Variants in SRBD1 observed in about 807,000 individuals in gnomAD.
The protein encoded by SRBD1 is S1 RNA-binding domain-containing protein 1.
SRBD1 carries 88 observed loss-of-function variants against 115.3 expected under a neutral mutation model. The observed-to-expected ratio is 0.76, with a 90% CI of 0.64 to 0.91. SRBD1 has a LOEUF of 0.91. SRBD1 is among the 40% of genes least tolerant of loss of function. The probability of loss-of-function intolerance (pLI) is 0.00; values close to 1 mark genes in which losing one functional copy is unlikely to be tolerated. For missense variants in SRBD1, 1,385 were observed against 1,177.4 expected, an observed-to-expected ratio of 1.18 and a Z score of -2.58; for synonymous variants, 509 against 407.7, an observed-to-expected ratio of 1.25 and a Z score of -2.99.
At chr2:45,445,798 T>G (rs1668806787) in intron 16 of SRBD1, among the ~76,000 whole-genome samples, 1 of 152,162 alleles carries the variant, frequency 6.6e-6, no homozygotes. Flanking sequence ...ACATTAAATT[T>G]AAAGGCTCAA....
At chr2:45,485,747 G>T (rs1670098474) in intron 15 of SRBD1, among the ~76,000 whole-genome samples, 1 of 152,030 alleles carries the variant, frequency 6.6e-6, no homozygotes, top group African/African-American at 2.4e-5. Context: ...GGACTTAAAG[G>T]TAAAAAATCC....
chr2:45,442,616 TCCTTAAA>T (rs1668703789), intron 16 of SRBD1, among the ~76,000 whole-genome samples: 1 of 152,216 alleles, frequency 6.6e-6, no homozygotes. Flanking sequence ...CAAATGTTGG[TCCTTAAA>T]GAAACAGCTA....
chr2:45,587,920 T>C (rs1673598177), intron 4 of SRBD1, among the ~76,000 whole-genome samples: 1 of 152,234 alleles, frequency 6.6e-6, no homozygotes, highest in Non-Finnish European at 1.5e-5. Context: ...ACCCATATTA[T>C]GCTATTCAAA....
intron 1 of SRBD1, among the ~76,000 whole-genome samples, chr2:45,607,395 C>T (rs1674307431): frequency 6.6e-6 from 1 of 151,968 alleles, no homozygotes; most frequent in South Asian, 2.1e-4. Flanking sequence ...AAATTTATTC[C>T]CCAATAACTA....
At chr2:45,425,911 AAC>A (rs935777201) in intron 16 of SRBD1, among the ~76,000 whole-genome samples, 4 of 152,024 alleles carry the variant, frequency 2.6e-5, no homozygotes, top group Admixed American at 1.3e-4. Context: ...TCAAGCACAA[AAC>A]TGGGCGGCCA....
chr2:45,409,209 G>A (rs1667523797), intron 19 of SRBD1, among the ~76,000 whole-genome samples: 1 of 152,026 alleles, frequency 6.6e-6, no homozygotes, highest in East Asian at 1.9e-4. Context: ...GTGACAAAGT[G>A]AGACCCTGTC....
chr2:45,437,128 A>C (rs964831421), intron 16 of SRBD1, among the ~76,000 whole-genome samples: 2 of 152,130 alleles, frequency 1.3e-5, no homozygotes, highest in African/African-American at 4.8e-5. Flanking sequence ...AAGAGGAGAG[A>C]TATTTCATGT....
chr2:45,489,946 C>G (rs760368580), intron 14 of SRBD1, among the ~76,000 whole-genome samples: 16 of 152,152 alleles, frequency 1.1e-4, no homozygotes, highest in Admixed American at 2.0e-4. Flanking sequence ...ACTCGTATCT[C>G]TCTTCCTTTG....
At chr2:45,412,993 G>A (rs1667647793) in intron 19 of SRBD1, 121 bp downstream of exon 19, 1 of 1,169,802 alleles carries the variant, frequency 8.5e-7, no homozygotes, top group Admixed American at 2.6e-5. Flanking sequence ...CAGAACTTCT[G>A]AAAAATGTTG....
At chr2:45,415,398 GTATA>G (rs1268777557) in intron 18 of SRBD1, among the ~76,000 whole-genome samples, 1 of 103,244 alleles carries the variant, frequency 9.7e-6, no homozygotes, top group Non-Finnish European at 1.8e-5. Flanking sequence ...TATATAGTAT[GTATA>G]TACACACATA....
chr2:45,436,712 C>T (rs972063274), intron 16 of SRBD1, among the ~76,000 whole-genome samples: 11 of 152,270 alleles, frequency 7.2e-5, no homozygotes, highest in African/African-American at 2.6e-4. Context: ...GGGGAAACCA[C>T]CCCCATGATC....
At chr2:45,602,280 C>A (rs79324138) in intron 2 of SRBD1, among the ~76,000 whole-genome samples, 197 bp from the exon 3 acceptor site, 1 of 152,084 alleles carries the variant, frequency 6.6e-6, no homozygotes, top group African/African-American at 2.4e-5. Flanking sequence ...ATAAAAATAC[C>A]GCAGTATGCT....
intron 14 of SRBD1, among the ~76,000 whole-genome samples, chr2:45,496,587 G>T (rs999425264): frequency 3.9e-5 from 6 of 152,084 alleles, no homozygotes; most frequent in African/African-American, 1.4e-4. Context: ...AAATAACAAT[G>T]GTTTCTGCTA....
intron 14 of SRBD1, among the ~76,000 whole-genome samples, chr2:45,516,176 G>T (rs1324367613): frequency 6.6e-6 from 1 of 152,096 alleles, no homozygotes; most frequent in Non-Finnish European, 1.5e-5. Flanking sequence ...TGTACCAAGG[G>T]CTAAAATGAG....
At chr2:45,561,730 TAAAAGTA>T (rs1672670861) in intron 10 of SRBD1, among the ~76,000 whole-genome samples, 1 of 152,146 alleles carries the variant, frequency 6.6e-6, no homozygotes, top group African/African-American at 2.4e-5. Flanking sequence ...AAATTAAAAC[TAAAAGTA>T]AAAAGTATTA....
chr2:45,599,564 TG>T lies in SRBD1; in HGVS notation c.532del (p.Gln178SerfsTer4). 1 of 1,614,236 alleles carries T rather than the reference TG, an allele frequency of 6.2e-7. No individual in the cohort carries two copies. Among genetic ancestry groups the T allele is most frequent in the Non-Finnish European group, 8.5e-7 (1 of 1,180,030 alleles). On this transcript the variant is annotated frameshift_variant, in exon 4 of 21. Coordinates refer to ENST00000263736, the MANE Select transcript of SRBD1 (RefSeq NM_018079.5). LOFTEE classifies it high-confidence loss of function. ...EENDDDFTFG[Q>X]SALKKIKTET... ...AGTCTTGATTTTCTTTAAAGCGGAC[TG>T]ACCAAATGTAAAGTCATCGTCATTC...
At chr2:45,526,011 G>C (rs1215312668) in intron 14 of SRBD1, among the ~76,000 whole-genome samples, 2 of 152,006 alleles carry the variant, frequency 1.3e-5, no homozygotes. Context: ...ATACACTGCT[G>C]GTGGGAATGC....
intron 14 of SRBD1, among the ~76,000 whole-genome samples, chr2:45,490,390 A>AC (rs1267530521): frequency 1.3e-5 from 2 of 152,040 alleles, no homozygotes; most frequent in African/African-American, 4.8e-5. Flanking sequence ...TAAATTCGTG[A>AC]CCCCCAAAAA....
chr2:45,451,521 C>T (rs1248197244), intron 16 of SRBD1, among the ~76,000 whole-genome samples: 1 of 151,948 alleles, frequency 6.6e-6, no homozygotes, highest in Non-Finnish European at 1.5e-5. Flanking sequence ...AGATAGCATT[C>T]ATGAGATACA....
Sources: allele counts gnomAD v4.1 joint callset (sites outside exome capture counted in the v4.1 genomes callset), GRCh38; gene constraint gnomAD v4.1.1; transcripts MANE v1.5; gene names NCBI Gene and HGNC (gene_info 2026-07-23, HGNC 2026-07-21).